The following ECI2 variants were observed in gnomAD, a reference collection of about 807,000 sequenced individuals.
ECI2 encodes the protein D3,D2-enoyl-CoA isomerase.
In ECI2, 27 loss-of-function variants were observed where a neutral mutation model predicts 38.4. The ratio of observed to expected loss-of-function variants is 0.70; its 90% CI spans 0.52 to 0.97. ECI2 has a LOEUF of 0.97. ECI2 is among the 50% of genes least tolerant of loss of function. The pLI, the probability that ECI2 is intolerant of heterozygous loss-of-function variation, is 0.00. For synonymous variants in ECI2, 168 were observed against 172.0 expected (o/e 0.98, Z 0.18); for missense variants, 470 against 474.4 (o/e 0.99, Z 0.09).
intron 2 of ECI2, 39 bp downstream of exon 2, chr6:4,133,510 C>T: frequency 6.4e-7 from 1 of 1,562,024 alleles, no homozygotes; most frequent in East Asian, 2.3e-5. Context: ...AGTCATTTGC[C>T]CAAAATTCTT....
rs1396204734 is a variant in ECI2 at position 4,130,813 on chromosome 6, T to C, written c.266A>G (p.Asn89Ser). The change falls in exon 3 of 10, where the codon AAC becomes AGC. Residue 89 changes from asparagine (N) to serine (S), a missense_variant. Physicochemically the swap from Asn to Ser is conservative, Grantham distance 46 (BLOSUM62 1). Coordinates refer to ENST00000380118, the MANE Select transcript of ECI2 (RefSeq NM_206836.3). Reference sequence around the variant, plus strand: ...ATTCCATGCGTCCCATTTGGCCTTGTTGATCAAGTCAAATACACCTGGTTT... The same window carrying C: ...ATTCCATGCGTCCCATTTGGCCTTGCTGATCAAGTCAAATACACCTGGTTT... ...MPKPGVFDLINKAKWDAWNAL... is the reference protein window; with the variant it reads ...MPKPGVFDLISKAKWDAWNAL... 3 of 1,614,258 alleles carry C rather than the reference T, an allele frequency of 1.9e-6. No homozygotes were observed. Among genetic ancestry groups the C allele is most frequent in the Admixed American group, 1.7e-5 (1 of 60,038 alleles).
intron 1 of ECI2, chr6:4,135,228 G>T: frequency 1.1e-6 from 1 of 918,326 alleles, no homozygotes; most frequent in Non-Finnish European, 1.7e-6. Context: ...CAGGAGGATG[G>T]GAGCGTGCGC....
intron 2 of ECI2, 73 bp from the exon 3 acceptor site, chr6:4,130,938 AATCTGT>A: frequency 1.4e-6 from 2 of 1,422,404 alleles, no homozygotes; most frequent in African/African-American, 1.4e-5. Context: ...AGATCCATAA[AATCTGT>A]AAGTACATGA....
intron 8 of ECI2, chr6:4,117,706 G>A (rs1045201527): frequency 2.5e-5 from 9 of 365,722 alleles, no homozygotes; most frequent in Admixed American, 4.4e-5. Flanking sequence ...GGGGGTCCAG[G>A]GCAGAAATGA....
chr6:4,121,885 A>G (rs1295965887), intron 7 of ECI2: 1 of 922,132 alleles, frequency 1.1e-6, no homozygotes, highest in Non-Finnish European at 1.6e-6. Flanking sequence ...ATATACATAA[A>G]AATAATCACA....
chr6:4,131,364 GGTTC>G (rs1773501513), intron 2 of ECI2, among the ~76,000 whole-genome samples: 1 of 152,052 alleles, frequency 6.6e-6, no homozygotes. Context: ...CAGAGCTACT[GGTTC>G]TTAGGAAACC....
intron 2 of ECI2, among the ~76,000 whole-genome samples, chr6:4,131,636 C>T (rs993670715): frequency 6.6e-6 from 1 of 152,014 alleles, no homozygotes; most frequent in Non-Finnish European, 1.5e-5. Context: ...GTGGGTGGAT[C>T]ACCTGAGGTC....
chr6:4,123,207 C>T (rs9405701), intron 7 of ECI2, among the ~76,000 whole-genome samples: 9,546 of 151,992 alleles, frequency 0.063, 668 homozygotes, highest in East Asian at 0.34. Context: ...GACAGAGTCT[C>T]GCTCTGTCAC....
At position 4,115,799 on chromosome 6, in the gene ECI2, T is replaced by C. The variant is rs1241684997; in HGVS notation, c.*75A>G. 1.3e-5 allele frequency: 20 copies of C among 1,533,024 alleles called. No homozygotes were observed. Among genetic ancestry groups the C allele is most frequent in the Non-Finnish European group, 1.8e-5 (20 of 1,133,046 alleles). The allele number at this position is 1,533,024 out of a possible 1,614,324, so 95.0% of individuals were successfully genotyped here. ...ACTACAAAAGGCACAATGAAGCTTA[T>C]TTAGTTCCAGTACTGGAAATCAGAG... On this transcript the variant is annotated 3_prime_UTR_variant, in exon 10 of 10. Coordinates refer to ENST00000380118, the MANE Select transcript of ECI2 (RefSeq NM_206836.3).
At position 4,130,806 on chromosome 6, in the gene ECI2, G is replaced by A. The variant is rs776229508; in HGVS notation, c.273C>T (p.Ala91=). 1.2e-6 allele frequency: 2 copies of A among 1,614,174 alleles called. No homozygotes were observed. Among genetic ancestry groups the A allele is most frequent in the South Asian group, 2.2e-5 (2 of 91,084 alleles). ...CAAGGGCATTCCATGCGTCCCATTT[G>A]GCCTTGTTGATCAAGTCAAATACAC... ...KPGVFDLINK[A]KWDAWNALGS... Residue 91 remains alanine, a synonymous_variant, in exon 3 of 10, where the codon GCC becomes GCT. Coordinates refer to ENST00000380118, the MANE Select transcript of ECI2 (RefSeq NM_206836.3).
At chr6:4,130,120 T>C in intron 4 of ECI2, 7 of 1,612,998 alleles carry the variant, frequency 4.3e-6, no homozygotes, top group Non-Finnish European at 5.9e-6. Flanking sequence ...TTATATTCAT[T>C]TATTTCTGCT....
intron 7 of ECI2, 153 bp downstream of exon 7, chr6:4,125,097 A>T: frequency 7.8e-7 from 1 of 1,284,466 alleles, no homozygotes; most frequent in Non-Finnish European, 1.1e-6. Flanking sequence ...AAATCAGTCA[A>T]ATCAGCCTAA....
At chr6:4,135,386 CA>C in intron 1 of ECI2, 124 bp downstream of exon 1, 1 of 1,552,256 alleles carries the variant, frequency 6.4e-7, no homozygotes, top group Non-Finnish European at 8.7e-7. Flanking sequence ...GGAAAACCAG[CA>C]AAGCAAAATC....
intron 7 of ECI2, among the ~76,000 whole-genome samples, chr6:4,119,561 T>A (rs914301548): frequency 6.6e-6 from 1 of 152,198 alleles, no homozygotes; most frequent in African/African-American, 2.4e-5. Flanking sequence ...CCTCAGGTGA[T>A]CCACCTGCCT....
intron 7 of ECI2, 45 bp downstream of exon 7, chr6:4,125,199 TCTCATC>T: frequency 6.2e-7 from 1 of 1,601,916 alleles, no homozygotes; most frequent in Non-Finnish European, 8.5e-7. Flanking sequence ...ATTCAAAGGC[TCTCATC>T]TCGCGCTGCT....
In ECI2 at chr6:4,119,198, CATT is replaced by C. The variant is rs1425498098; in HGVS notation, c.870_872del (p.Ile290del). ...TTCCAAAAGTTACCTTGGCTGGGCT[CATT>C]ATCTTCGGAAAAGTGTAAGAGGAGC... is the stretch of plus-strand genomic sequence containing the variant. On this transcript the variant is annotated inframe_deletion, in exon 8 of 10. Coordinates refer to ENST00000380118, the MANE Select transcript of ECI2 (RefSeq NM_206836.3). 1.9e-6 allele frequency: 3 copies of C among 1,613,124 alleles called. No individual in the cohort carries two copies. The highest frequency in any genetic ancestry group is 3.3e-4 in the Middle Eastern group (2 of 6,060).
intron 2 of ECI2, among the ~76,000 whole-genome samples, chr6:4,133,194 T>G (rs1773573585): frequency 6.6e-6 from 1 of 152,206 alleles, no homozygotes; most frequent in African/African-American, 2.4e-5. Context: ...TAACGATGAT[T>G]TCTAGGTATC....
intron 8 of ECI2, 167 bp from the exon 9 acceptor site, chr6:4,117,618 C>T (rs1273475587): frequency 8.1e-6 from 7 of 863,080 alleles, no homozygotes; most frequent in Non-Finnish European, 1.2e-5. Context: ...GGTTTGCAAA[C>T]TGTGTGCTGA....
rs75525977 is a variant in ECI2 at position 4,128,971 on chromosome 6, T to C, written c.502-1140A>G. 3.7e-4 allele frequency among the ~76,000 whole-genome samples: 57 copies of C among 152,302 alleles called. No individual in the cohort carries two copies. In the East Asian group the frequency reaches 5.6e-3, roughly 15 times the overall value. On this transcript the variant is annotated intron_variant, in intron 4 of 9. Coordinates refer to ENST00000380118, the MANE Select transcript of ECI2 (RefSeq NM_206836.3). ...TAAGGAACTCATTCTATCATTATTA[T>C]AGTTATGATAACACCACACAGCAGG...
Sources: gnomAD v4.1 joint callset for allele counts (sites outside exome capture counted in the v4.1 genomes callset) on GRCh38, gnomAD v4.1.1 for gene constraint, MANE v1.5 for transcripts, NCBI Gene and HGNC (gene_info 2026-07-23, HGNC 2026-07-21) for gene names.